Variants in ANAPC4 observed in about 807,000 individuals in gnomAD.
ANAPC4 encodes the protein anaphase-promoting complex subunit 4.
A neutral mutation model predicts 119.8 loss-of-function variants in ANAPC4; 63 were observed. That is an observed-to-expected ratio of 0.53 (90% CI 0.43 to 0.65). The LOEUF is 0.65. Among genes scored for constraint, ANAPC4 ranks in the 30% least tolerant of loss-of-function variants. ANAPC4 has a pLI of 0.00. For synonymous variants in ANAPC4, 283 were observed against 318.6 expected, an observed-to-expected ratio of 0.89 and a Z score of 1.19; for missense variants, 716 against 945.1, an observed-to-expected ratio of 0.76 and a Z score of 3.18.
chr4:25,414,263 T>A, intron 22 of ANAPC4, 61 bp from the exon 23 acceptor site: 1 of 1,199,782 alleles, frequency 8.3e-7, no homozygotes, highest in Non-Finnish European at 1.2e-6. Flanking sequence ...AGTCACTTTC[T>A]GTAGAGTATC....
intron 16 of ANAPC4, among the ~76,000 whole-genome samples, chr4:25,402,475 A>G (rs960810804): frequency 6.6e-6 from 1 of 152,154 alleles, no homozygotes; most frequent in African/African-American, 2.4e-5. Flanking sequence ...TGAGATCTCA[A>G]TTGTTAGGAT....
rs943090877 is a variant in ANAPC4, at chr4:25,380,609, A to T, written c.235+130A>T. On this transcript the variant is annotated intron_variant, in intron 3 of 28. Coordinates refer to ENST00000315368, the MANE Select transcript of ANAPC4 (RefSeq NM_013367.3). ...ATAAATATCACTTTGGGAACTTTTT[A>T]AAAAAAATGCCTTAAAATATTTTTA... 6.7e-5 allele frequency: 35 copies of T among 520,318 alleles called. No individual in the cohort carries two copies. The South Asian group carries it at 7.4e-4, about 11-fold the overall frequency. 32.2% of individuals were successfully genotyped at this position (520,318 alleles called of 1,614,324 possible). A position where few individuals can be genotyped will look rare whatever the true frequency, so the allele number is the denominator to read the frequency against.
intron 18 of ANAPC4, among the ~76,000 whole-genome samples, chr4:25,406,350 G>A (rs747414324): frequency 2.0e-5 from 3 of 152,178 alleles, no homozygotes; most frequent in Non-Finnish European, 4.4e-5. Context: ...TATGTCAGTT[G>A]TTGGAAGGGA....
chr4:25,409,575 C>T (rs1014532567), intron 20 of ANAPC4, 123 bp from the exon 21 acceptor site: 17 of 626,000 alleles, frequency 2.7e-5, no homozygotes, highest in South Asian at 4.4e-5. Context: ...AAAAATAAAC[C>T]GATTTTAGGC....
At position 25,409,715 on chromosome 4, in the gene ANAPC4, T is replaced by C; in HGVS notation, c.1449T>C (p.Asp483=). 1 of 1,611,676 alleles carries C rather than the reference T, an allele frequency of 6.2e-7. No individual in the cohort carries two copies. Among genetic ancestry groups the C allele is most frequent in the African/African-American group, 1.3e-5 (1 of 74,986 alleles). The change falls in exon 21 of 29, where the codon GAT becomes GAC. Residue 483 remains aspartate, a synonymous_variant. Transcript: ENST00000315368. ...ERVGQYLKDE[D]DDLVSPPNTE... ...ATTTCTAGTACTTGAAAGATGAAGA[T>C]GATGATCTTGTGTCACCCCCTAACA...
intron 22 of ANAPC4, 46 bp downstream of exon 22, chr4:25,413,788 C>T (rs2109145468): frequency 7.1e-7 from 1 of 1,403,808 alleles, no homozygotes; most frequent in East Asian, 2.3e-5. Context: ...GCAATAGTGT[C>T]TACAGTATGT....
intron 21 of ANAPC4, among the ~76,000 whole-genome samples, chr4:25,411,663 C>G (rs1408612885): frequency 1.3e-5 from 2 of 152,154 alleles, no homozygotes; most frequent in Non-Finnish European, 2.9e-5. Flanking sequence ...GCCATAGTTT[C>G]TCATCTGTAA....
chr4:25,393,005 G>C (rs1722438200), intron 10 of ANAPC4, among the ~76,000 whole-genome samples: 1 of 152,200 alleles, frequency 6.6e-6, no homozygotes, highest in South Asian at 2.1e-4. Flanking sequence ...AGTCAACAGT[G>C]TTATTTCTGC....
chr4:25,406,379 T>C (rs1198798873), intron 18 of ANAPC4, among the ~76,000 whole-genome samples: 1 of 152,198 alleles, frequency 6.6e-6, no homozygotes, highest in East Asian at 1.9e-4. Context: ...TATAATTTTC[T>C]GAGGGCTGAA....
intron 14 of ANAPC4, 143 bp from the exon 15 acceptor site, chr4:25,396,521 C>G (rs1722662556): frequency 1.6e-6 from 1 of 638,438 alleles, no homozygotes; most frequent in Admixed American, 3.2e-5. Context: ...TTTTTAGGAA[C>G]AGTTTTGAGA....
chr4:25,380,710 G>A (rs1721667252), intron 3 of ANAPC4: 1 of 355,646 alleles, frequency 2.8e-6, no homozygotes, highest in African/African-American at 2.1e-5. Context: ...TCTTGGCAAA[G>A]ATAACTCCGA....
chr4:25,400,602 C>T (rs1032613551), intron 16 of ANAPC4, among the ~76,000 whole-genome samples: 1 of 152,138 alleles, frequency 6.6e-6, no homozygotes, highest in Non-Finnish European at 1.5e-5. Context: ...TGAGGCCAGC[C>T]AGCATGGCTG....
chr4:25,414,043 T>C, intron 22 of ANAPC4: 1 of 466,228 alleles, frequency 2.1e-6, no homozygotes, highest in Non-Finnish European at 3.8e-6. Flanking sequence ...AGAGCTGATG[T>C]GTCTCTGCTT....
At chr4:25,387,706 T>C (rs1162824137) in intron 4 of ANAPC4, among the ~76,000 whole-genome samples, 1 of 152,218 alleles carries the variant, frequency 6.6e-6, no homozygotes, top group Non-Finnish European at 1.5e-5. Context: ...TACTCATTTA[T>C]TTCCAACCTT....
intron 16 of ANAPC4, 65 bp downstream of exon 16, chr4:25,396,964 C>T (rs1722685438): frequency 7.0e-7 from 1 of 1,437,584 alleles, no homozygotes; most frequent in Non-Finnish European, 9.5e-7. Context: ...TAAATAAGAA[C>T]CTAGTAAGCT....
chr4:25,383,299 T>C lies in ANAPC4; in HGVS notation c.274T>C (p.Leu92=), dbSNP rs775080525. The C allele has an allele frequency of 3.1e-6, 5 of 1,612,118 alleles. No individual in the cohort carries two copies. Among genetic ancestry groups the C allele is most frequent in the Admixed American group, 1.7e-5 (1 of 59,734 alleles). Residue 92 remains leucine, a synonymous_variant, in exon 4 of 29, where the codon TTG becomes CTG. Coordinates refer to ENST00000315368, the MANE Select transcript of ANAPC4 (RefSeq NM_013367.3). ...TCTTGCTGATACCAAGAAAATTGTT[T>C]TGTGTGATGTAGAAAAACCTGAGAG... ...FALADTKKIV[L]CDVEKPESLH...
chr4:25,415,944 C>T (rs113336369), intron 26 of ANAPC4: 3 of 170,184 alleles, frequency 1.8e-5, no homozygotes, highest in African/African-American at 7.1e-5. Context: ...CCTGAGGCTT[C>T]GCAAGGGAAA....
At chr4:25,398,438 G>T (rs1722773892) in intron 16 of ANAPC4, among the ~76,000 whole-genome samples, 1 of 152,166 alleles carries the variant, frequency 6.6e-6, no homozygotes, top group Non-Finnish European at 1.5e-5. Flanking sequence ...GGCAGCAAGT[G>T]TGAAGGCCCT....
At chr4:25,403,555 T>C (rs1372094362) in intron 17 of ANAPC4, among the ~76,000 whole-genome samples, 1 of 152,082 alleles carries the variant, frequency 6.6e-6, no homozygotes, top group African/African-American at 2.4e-5. Context: ...GAAAAAAAAA[T>C]AAGAGTCTCT....
Sources: allele counts gnomAD v4.1 joint callset (sites outside exome capture counted in the v4.1 genomes callset), GRCh38; gene constraint gnomAD v4.1.1; transcripts MANE v1.5; gene names NCBI Gene and HGNC (gene_info 2026-07-23, HGNC 2026-07-21).